The following ADRA1A variants were observed in gnomAD, a reference collection of about 807,000 sequenced individuals.
ADRA1A encodes alpha-1A adrenergic receptor.
A neutral mutation model predicts 29.6 loss-of-function variants in ADRA1A; 31 were observed. That is an observed-to-expected ratio of 1.05 (90% CI 0.79 to 1.41). ADRA1A has a LOEUF of 1.41. ADRA1A is among the 40% of genes most tolerant of loss of function. ADRA1A has a pLI of 0.00. For synonymous variants in ADRA1A, 311 were observed against 254.3 expected, an observed-to-expected ratio of 1.22 and a Z score of -2.12; for missense variants, 619 against 601.1, an observed-to-expected ratio of 1.03 and a Z score of -0.31.
chr8:26,839,556 A>T (rs1811665874), intron 2 of ADRA1A, among the ~76,000 whole-genome samples: 1 of 152,120 alleles, frequency 6.6e-6, no homozygotes, highest in Non-Finnish European at 1.5e-5. Context: ...GCTTAATTAC[A>T]TGCTAGTCTC....
At chr8:26,804,112 G>A (rs989937506) in intron 2 of ADRA1A, among the ~76,000 whole-genome samples, 4 of 151,788 alleles carry the variant, frequency 2.6e-5, no homozygotes, top group African/African-American at 7.3e-5. Flanking sequence ...TTTAGAGTCG[G>A]GGTCTTGCTA....
chr8:26,802,667 C>A (rs1808673592), intron 2 of ADRA1A, among the ~76,000 whole-genome samples: 1 of 151,990 alleles, frequency 6.6e-6, no homozygotes, highest in Admixed American at 6.6e-5. Flanking sequence ...AGAATGGGGG[C>A]TCCTCAAAAA....
At position 26,866,945 on chromosome 8, in the gene ADRA1A, C is replaced by T. The variant is rs764998395; in HGVS notation, c.-696G>A. On this transcript the variant is annotated 5_prime_UTR_variant, in exon 1 of 3. Transcript: ENST00000380573. This position sits in a 1 kb window ranked among gnomAD's most constrained non-coding sequence, Gnocchi z 5.7. Reference sequence around the variant, plus strand: ...GCCCCGGCGCACTCACCTGAAGCGCCGCTGCTGAGCCACCAGCTCGCGCGC... The same window carrying T: ...GCCCCGGCGCACTCACCTGAAGCGCTGCTGCTGAGCCACCAGCTCGCGCGC... 8 of 985,152 alleles carry T rather than the reference C, an allele frequency of 8.1e-6. No individual in the cohort carries two copies. The highest frequency in any genetic ancestry group is 9.6e-6 in the Non-Finnish European group (8 of 829,842). The allele number at this position is 985,152 out of a possible 1,614,324, so 61.0% of individuals were successfully genotyped here.
intron 2 of ADRA1A, among the ~76,000 whole-genome samples, chr8:26,814,797 A>G (rs768566247): frequency 6.6e-6 from 1 of 151,982 alleles, no homozygotes; most frequent in Non-Finnish European, 1.5e-5. Context: ...TCTATTTTGT[A>G]TTTTGCTGTG....
intron 2 of ADRA1A, among the ~76,000 whole-genome samples, chr8:26,757,516 CCA>C (rs1491091958): frequency 6.7e-6 from 1 of 150,212 alleles, no homozygotes; most frequent in African/African-American, 2.5e-5. Context: ...TCCATTTCCC[CCA>C]CCCCCCACCT....
chr8:26,762,686 T>G (rs1026547576), downstream of ADRA1A, among the ~76,000 whole-genome samples: 19 of 152,194 alleles, frequency 1.2e-4, no homozygotes, highest in Middle Eastern at 3.4e-3. This position sits in a 1 kb window ranked among gnomAD's most constrained non-coding sequence, Gnocchi z 4.0. Context: ...AAAGCTGCCA[T>G]GAAGCATCAG....
rs1301279434 is a variant in ADRA1A, at chr8:26,841,592, C to T, written c.883+22495G>A. 6.6e-6 allele frequency among the ~76,000 whole-genome samples: 1 copy of T among 152,198 alleles called. No individual in the cohort carries two copies. The highest frequency in any genetic ancestry group is 1.5e-5 in the Non-Finnish European group (1 of 68,042). On this transcript the variant is annotated intron_variant, in intron 2 of 2. Transcript: ENST00000380573. The surrounding 1 kb of genome is among the most constrained non-coding windows in gnomAD (Gnocchi z 4.4). ...ATCCCTTTGCTTTGTCCTCTCAGGTCCTGGCTCTGTTCCTCACCTCCACTT... is the reference window on the plus strand; with the variant it reads ...ATCCCTTTGCTTTGTCCTCTCAGGTTCTGGCTCTGTTCCTCACCTCCACTT...
chr8:26,770,016 A>G lies in ADRA1A; in HGVS notation c.*133T>C. ...ACCCGCTGCCTGATGAGTTGGGTCTACCACCCACCCCATTCCCAGCAGGTC... is the reference window on the plus strand; with the variant it reads ...ACCCGCTGCCTGATGAGTTGGGTCTGCCACCCACCCCATTCCCAGCAGGTC... On this transcript the variant is annotated 3_prime_UTR_variant, in exon 3 of 3. Transcript: ENST00000380573. 1 of 1,467,684 alleles carries G rather than the reference A, an allele frequency of 6.8e-7. No individual in the cohort carries two copies. Among genetic ancestry groups the G allele is most frequent in the Non-Finnish European group, 9.0e-7 (1 of 1,113,814 alleles). 90.9% of individuals were successfully genotyped at this position (1,467,684 alleles called of 1,614,324 possible). A position where few individuals can be genotyped will look rare whatever the true frequency, so the allele number is the denominator to read the frequency against.
chr8:26,830,872 G>A (rs1234946434), intron 2 of ADRA1A, among the ~76,000 whole-genome samples: 1 of 152,168 alleles, frequency 6.6e-6, no homozygotes, highest in East Asian at 1.9e-4. Flanking sequence ...TAGCCTCCCA[G>A]ATGAGGTTAG....
chr8:26,792,934 C>A (rs537864824), intron 2 of ADRA1A, among the ~76,000 whole-genome samples: 25 of 151,612 alleles, frequency 1.6e-4, no homozygotes, highest in Middle Eastern at 3.4e-3. Context: ...AATAAAGCCT[C>A]TCACACTGAA....
At chr8:26,822,361 A>C (rs1019673757) in intron 2 of ADRA1A, among the ~76,000 whole-genome samples, 8 of 152,218 alleles carry the variant, frequency 5.3e-5, no homozygotes, top group African/African-American at 1.7e-4. Context: ...AAGGGATTAT[A>C]CAAACAAGTT....
At chr8:26,801,031 T>A (rs181345663) in intron 2 of ADRA1A, among the ~76,000 whole-genome samples, 75 of 152,334 alleles carry the variant, frequency 4.9e-4, no homozygotes, top group Admixed American at 2.9e-3. Flanking sequence ...AAAAACTGTA[T>A]GATTATTTCA....
chr8:26,806,062 A>G lies in ADRA1A; in HGVS notation c.884-35396T>C, dbSNP rs139985017. Among the ~76,000 whole-genome samples, 322 of 152,124 alleles carry G rather than the reference A, an allele frequency of 2.1e-3. 1 individual carries two copies. The highest frequency in any genetic ancestry group is 7.1e-3 in the African/African-American group (295 of 41,504). On this transcript the variant is annotated intron_variant, in intron 2 of 2. Transcript: ENST00000380573. This position sits in a 1 kb window ranked among gnomAD's most constrained non-coding sequence, Gnocchi z 4.6. ...AGCCGCCAATGTGCTTGCTCTTCCT[A>G]TTTTATCCTTCCAGGCATGTGGCAG...
chr8:26,788,600 C>A (rs35307062), intron 2 of ADRA1A, among the ~76,000 whole-genome samples: 14,130 of 152,146 alleles, frequency 0.093, 967 homozygotes, highest in East Asian at 0.33. Flanking sequence ...ACTTTTCATG[C>A]ACCACCTCAT....
downstream of ADRA1A, among the ~76,000 whole-genome samples, chr8:26,760,928 C>T (rs1476157107): frequency 1.3e-5 from 2 of 152,174 alleles, no homozygotes; most frequent in Non-Finnish European, 1.5e-5. Flanking sequence ...TCTGATGTTT[C>T]CAGGTCCCTG....
chr8:26,749,587 T>G (rs1804836762), intron 2 of ADRA1A, among the ~76,000 whole-genome samples: 1 of 152,238 alleles, frequency 6.6e-6, no homozygotes. Flanking sequence ...GACTAGAGAT[T>G]GGTGAAACTA....
intron 2 of ADRA1A, among the ~76,000 whole-genome samples, chr8:26,846,966 A>G (rs1048636679): frequency 7.9e-5 from 12 of 152,196 alleles, no homozygotes; most frequent in Non-Finnish European, 7.3e-5. Context: ...AACTATCGCA[A>G]GAACAAAAAA....
intron 2 of ADRA1A, among the ~76,000 whole-genome samples, chr8:26,782,390 A>T (rs1172753007): frequency 1.3e-5 from 2 of 152,258 alleles, no homozygotes; most frequent in African/African-American, 4.8e-5. Flanking sequence ...ATGGCTTCTA[A>T]GTATAGCTGG....
chr8:26,781,471 C>A (rs1440417055), intron 2 of ADRA1A, among the ~76,000 whole-genome samples: 2 of 152,236 alleles, frequency 1.3e-5, no homozygotes, highest in Non-Finnish European at 2.9e-5. Context: ...TTGAACACAG[C>A]TCCTGCTTCA....
Sources: allele counts gnomAD v4.1 joint callset (sites outside exome capture counted in the v4.1 genomes callset), GRCh38; gene constraint gnomAD v4.1.1; non-coding constraint Gnocchi (gnomAD v3.1); transcripts MANE v1.5; gene names NCBI Gene and HGNC (gene_info 2026-07-23, HGNC 2026-07-21).